The following TMEM132E variants were observed in gnomAD, a reference collection of about 807,000 sequenced individuals.
TMEM132E encodes transmembrane protein 132E.
TMEM132E carries 49 observed loss-of-function variants against 78.5 expected under a neutral mutation model. The observed-to-expected ratio is 0.62, with a 90% CI of 0.50 to 0.79. The LOEUF (loss-of-function observed/expected upper bound fraction) is 0.79. Ranked by LOEUF, TMEM132E falls within the 30% of genes least tolerant of loss-of-function variation. TMEM132E has a pLI of 0.00. For synonymous variants in TMEM132E, 715 were observed against 670.6 expected (o/e 1.07, Z -1.02); for missense variants, 1,403 against 1,470.9 (o/e 0.95, Z 0.75).
chr17:34,613,389 C>G (rs1906676718), intron 1 of TMEM132E, among the ~76,000 whole-genome samples: 1 of 149,498 alleles, frequency 6.7e-6, no homozygotes, highest in Non-Finnish European at 1.5e-5. Context: ...ACTCCCCTCC[C>G]CCGCTGCTCC....
chr17:34,626,158 C>T lies in TMEM132E; in HGVS notation c.99C>T (p.Ser33=), dbSNP rs1453051819. ...ASGRSHPASP[S]PPGPQASPVL... ...GCCGCTCCCACCCGGCCAGCCCCAG[C>T]CCGCCGGGGCCGCAGGCCAGCCCGG... Residue 33 remains serine, a synonymous_variant, in exon 2 of 9, where the codon AGC becomes AGT. Transcript: ENST00000631683. The T allele has an allele frequency of 1.9e-6, 3 of 1,546,538 alleles. No individual in the cohort carries two copies. The highest frequency in any genetic ancestry group is 2.0e-5 in the Admixed American group (1 of 51,250).
At position 34,636,043 on chromosome 17, in the gene TMEM132E, A is replaced by T. The variant is rs1287762111; in HGVS notation, c.2014A>T (p.Thr672Ser). The stretch of plus-strand genomic sequence containing the variant: ...GCTGACGGAGGCTGTGCTCGGGGAG[A>T]CGCTGCTGACGGTGACTGAGGAGAA... ...SPLTEAVLGE[T>S]LLTVTEEKVS... is the part of the protein sequence containing the mutation. The change falls in exon 8 of 9, where the codon ACG becomes TCG. Residue 672 changes from threonine (T) to serine (S), a missense_variant. Coordinates refer to ENST00000631683, the MANE Select transcript of TMEM132E (RefSeq NM_001304438.2). 1 of 1,552,770 alleles carries T rather than the reference A, an allele frequency of 6.4e-7. No individual in the cohort carries two copies. The highest frequency in any genetic ancestry group is 8.7e-7 in the Non-Finnish European group (1 of 1,151,906).
At chr17:34,628,520 G>T (rs1231746027) in intron 2 of TMEM132E, 43 bp from the exon 3 acceptor site, 1 of 1,609,332 alleles carries the variant, frequency 6.2e-7, no homozygotes, top group Non-Finnish European at 8.5e-7. Context: ...GCTTTGGGCT[G>T]TAGCCTGACC....
In TMEM132E at chr17:34,632,769, G is replaced by C. The variant is rs758682620; in HGVS notation, c.1548G>C (p.Arg516Ser). 8.2e-5 allele frequency: 132 copies of C among 1,614,058 alleles called. No individual in the cohort carries two copies. Among genetic ancestry groups the C allele is most frequent in the Non-Finnish European group, 1.1e-4 (131 of 1,180,038 alleles). ...AGTCTCGAGGGTCCATGAACGCCAG[G>C]GTCACCTTCCGCTACGACGTCCTCA... ...GKESRGSMNA[R>S]VTFRYDVLNA... Residue 516 changes from arginine (R) to serine (S), a missense_variant, in exon 6 of 9, where the codon AGG becomes AGC. Arg to Ser is a moderately radical substitution (Grantham distance 110). Coordinates refer to ENST00000631683, the MANE Select transcript of TMEM132E (RefSeq NM_001304438.2).
At chr17:34,586,540 T>TGG (rs953211001) in intron 1 of TMEM132E, among the ~76,000 whole-genome samples, 1 of 148,256 alleles carries the variant, frequency 6.7e-6, no homozygotes, top group African/African-American at 2.5e-5. Context: ...TTGCAACAAG[T>TGG]GGGGGGGGAC....
chr17:34,613,012 G>A (rs1381808741), intron 1 of TMEM132E, among the ~76,000 whole-genome samples: 2 of 152,008 alleles, frequency 1.3e-5, no homozygotes, highest in Non-Finnish European at 2.9e-5. Flanking sequence ...TAAGGCTGCT[G>A]TTTGTTGCAG....
chr17:34,622,049 C>T (rs1339747862), intron 1 of TMEM132E, among the ~76,000 whole-genome samples: 1 of 152,248 alleles, frequency 6.6e-6, no homozygotes, highest in African/African-American at 2.4e-5. Context: ...CCATGCCATG[C>T]TCCATGATGT....
chr17:34,613,152 ACTCTCT>A (rs141732934), intron 1 of TMEM132E, among the ~76,000 whole-genome samples: 14 of 97,640 alleles, frequency 1.4e-4, no homozygotes, highest in Admixed American at 3.9e-4. Flanking sequence ...TGGCACTCAC[ACTCTCT>A]CTCTCTCTCT....
At chr17:34,632,973 A>G in intron 6 of TMEM132E, 64 bp downstream of exon 6, 9 of 1,573,756 alleles carry the variant, frequency 5.7e-6, no homozygotes, top group Non-Finnish European at 7.8e-6. Context: ...CTCGGCCCAC[A>G]GTCTGATCTG....
chr17:34,621,777 G>A (rs1906965640), intron 1 of TMEM132E, among the ~76,000 whole-genome samples: 1 of 152,264 alleles, frequency 6.6e-6, no homozygotes, highest in African/African-American at 2.4e-5. Flanking sequence ...ATTGTTATGG[G>A]CAGCCTGCTG....
intron 1 of TMEM132E, among the ~76,000 whole-genome samples, chr17:34,625,829 G>C (rs1361333888): frequency 1.3e-5 from 2 of 152,212 alleles, no homozygotes; most frequent in Non-Finnish European, 2.9e-5. Context: ...ACCTCCTGAA[G>C]GTTCACAAGG....
chr17:34,637,414 G>A lies in TMEM132E; in HGVS notation c.2407G>A (p.Ala803Thr). 1 of 1,613,738 alleles carries A rather than the reference G, an allele frequency of 6.2e-7. No homozygotes were observed. The highest frequency in any genetic ancestry group is 1.1e-5 in the South Asian group (1 of 91,090). The change falls in exon 9 of 9, where the codon GCC becomes ACC. Residue 803 changes from alanine to threonine, a missense_variant. This residue lies in a region of TMEM132E where 888 missense variants were observed against 952.8 expected (regional missense o/e 0.93). Transcript: ENST00000631683. The stretch of plus-strand genomic sequence containing the variant: ...GAAAACCAAACGCAAGAGTGTGCTC[G>A]CCACGACCCCTGTGGGCCTGCGGGT... ...CQKTKRKSVLATTPVGLRVHF... is the reference protein window; with the variant it reads ...CQKTKRKSVLTTTPVGLRVHF...
chr17:34,601,633 C>T (rs908560685), intron 1 of TMEM132E, among the ~76,000 whole-genome samples: 14 of 152,228 alleles, frequency 9.2e-5, no homozygotes, highest in African/African-American at 3.4e-4. Context: ...CCATCAGGGC[C>T]CTCCCTGCTG....
At chr17:34,582,485 G>C (rs1164849904) in intron 1 of TMEM132E, among the ~76,000 whole-genome samples, 1 of 147,272 alleles carries the variant, frequency 6.8e-6, no homozygotes, top group African/African-American at 2.5e-5. Context: ...TCTATGGGTG[G>C]CTTGGTTATT....
Position 34,626,548 on chromosome 17 carries a change from C to A in TMEM132E, c.489C>A (p.Pro163=). ...WDDFGVTERL[P]CVRLHAFRDA... is the part of the protein sequence containing the mutation. ...ACTTCGGCGTCACCGAGCGGCTGCC[C>A]TGTGTCCGCCTGCATGCCTTCCGGG... Residue 163 remains proline, a synonymous_variant, in exon 2 of 9, where the codon CCC becomes CCA. Coordinates refer to ENST00000631683, the MANE Select transcript of TMEM132E (RefSeq NM_001304438.2). The A allele has an allele frequency of 6.3e-7, 1 of 1,590,986 alleles. No homozygotes were observed.
chr17:34,626,012 G>C (rs1442080525), intron 1 of TMEM132E, 115 bp from the exon 2 acceptor site: 2 of 996,092 alleles, frequency 2.0e-6, no homozygotes. Flanking sequence ...AACCTGCCCA[G>C]CTAGAGGAGT....
At chr17:34,600,783 C>T (rs1408848375) in intron 1 of TMEM132E, among the ~76,000 whole-genome samples, 3 of 152,088 alleles carry the variant, frequency 2.0e-5, no homozygotes, top group Non-Finnish European at 2.9e-5. Context: ...GTGGCCTTTC[C>T]GAGGTGTGCA....
Position 34,632,855 on chromosome 17 carries a change from A to T in TMEM132E, c.1634A>T (p.Asp545Val). The change falls in exon 6 of 9, where the codon GAT becomes GTT. Residue 545 changes from aspartate (D) to valine (V), a missense_variant. Transcript: ENST00000631683. ...PKLPLHIELS[D>V]ARLSQVKGWR... ...CTGCCCTTGCACATTGAGCTCTCAG[A>T]TGCCCGCCTCAGCCAAGTGAAGGGC... The T allele has an allele frequency of 6.2e-7, 1 of 1,614,130 alleles. No homozygotes were observed. Among genetic ancestry groups the T allele is most frequent in the Non-Finnish European group, 8.5e-7 (1 of 1,180,024 alleles).
intron 1 of TMEM132E, among the ~76,000 whole-genome samples, chr17:34,603,062 C>G (rs1225457091): frequency 6.6e-6 from 1 of 152,148 alleles, no homozygotes; most frequent in South Asian, 2.1e-4. Flanking sequence ...CTGTCTTACA[C>G]AGGAAGGGGG....
Sources: allele counts gnomAD v4.1 joint callset (sites outside exome capture counted in the v4.1 genomes callset), GRCh38; gene constraint gnomAD v4.1.1; regional missense constraint gnomAD v4.1.1; transcripts MANE v1.5; gene names NCBI Gene and HGNC (gene_info 2026-07-23, HGNC 2026-07-21).